The following BBX variants were observed in gnomAD, a reference collection of about 807,000 sequenced individuals.
The protein encoded by BBX is HMG box transcription factor BBX.
BBX carries 30 observed loss-of-function variants against 100.2 expected under a neutral mutation model. The ratio of observed to expected loss-of-function variants is 0.30; its 90% CI spans 0.22 to 0.41. The LOEUF is 0.41. Ranked by LOEUF, BBX falls within the 10% of genes least tolerant of loss-of-function variation. BBX has a pLI of 1.00. For missense variants in BBX, 1,023 were observed against 1,129.8 expected (o/e 0.91, Z 1.35); for synonymous variants, 376 against 388.1 (o/e 0.97, Z 0.37).
At chr3:107,584,971 C>G (rs1277603758) in intron 2 of BBX, among the ~76,000 whole-genome samples, 1 of 152,106 alleles carries the variant, frequency 6.6e-6, no homozygotes, top group Non-Finnish European at 1.5e-5. Context: ...GCCACCACCC[C>G]CGGCCTCAGT....
chr3:107,605,393 G>A (rs1231397794), intron 2 of BBX, among the ~76,000 whole-genome samples: 1 of 151,152 alleles, frequency 6.6e-6, no homozygotes. Context: ...TTTTGGGGGG[G>A]GGATTTAATA....
At chr3:107,561,181 A>G (rs957811212) in intron 2 of BBX, among the ~76,000 whole-genome samples, 3 of 152,244 alleles carry the variant, frequency 2.0e-5, no homozygotes, top group South Asian at 2.1e-4. Context: ...TGCATGGTCC[A>G]TATGTTAGGT....
intron 5 of BBX, 139 bp downstream of exon 5, chr3:107,716,988 C>T (rs1192996661): frequency 1.3e-5 from 14 of 1,116,354 alleles, no homozygotes; most frequent in East Asian, 2.4e-5. Flanking sequence ...AAAACATAAC[C>T]GCTTTCTTTG....
At chr3:107,691,138 C>T (rs968641053) in intron 3 of BBX, among the ~76,000 whole-genome samples, 1 of 151,934 alleles carries the variant, frequency 6.6e-6, no homozygotes, top group African/African-American at 2.4e-5. Flanking sequence ...AACCCCTAGG[C>T]TCAAACGATT....
Position 107,566,162 on chromosome 3 carries a change from C to T in BBX, c.-84+39764C>T, listed in dbSNP as rs865947838. On this transcript the variant is annotated intron_variant, in intron 2 of 17. Transcript: ENST00000325805. ...TGCACTCCAGTCTGGGCAACAAGAG[C>T]GAAACTCTGTCTCAAAAAAAAAAAA... Among the ~76,000 whole-genome samples the T allele has an allele frequency of 6.3e-5, 6 of 95,196 alleles. No individual in the cohort carries two copies. The South Asian group carries it at 9.7e-4, about 15-fold the overall frequency. 62.5% of individuals were successfully genotyped at this position (95,196 alleles called of 152,430 possible). A position where few individuals can be genotyped will look rare whatever the true frequency, so the allele number is the denominator to read the frequency against.
intron 2 of BBX, among the ~76,000 whole-genome samples, chr3:107,536,023 A>G (rs2048469580): frequency 1.3e-5 from 2 of 152,260 alleles, no homozygotes; most frequent in African/African-American, 4.8e-5. Flanking sequence ...GTTCCATATT[A>G]GTGGAAAAAT....
intron 2 of BBX, among the ~76,000 whole-genome samples, chr3:107,628,312 CTGATTATAAATGAAAAT>C (rs2056331150): frequency 6.6e-6 from 1 of 151,620 alleles, no homozygotes; most frequent in Admixed American, 6.6e-5. Flanking sequence ...TAAAAAGCAG[CTGATTATAAATGAAAAT>C]TGTGTGCATG....
At chr3:107,715,416 A>C (rs2062032570) in intron 4 of BBX, among the ~76,000 whole-genome samples, 1 of 152,224 alleles carries the variant, frequency 6.6e-6, no homozygotes, top group African/African-American at 2.4e-5. Context: ...TTACAAGTTG[A>C]GTATCCCTAA....
intron 2 of BBX, among the ~76,000 whole-genome samples, chr3:107,583,612 G>C (rs1172557915): frequency 2.0e-5 from 3 of 151,410 alleles, no homozygotes; most frequent in Non-Finnish European, 4.4e-5. Flanking sequence ...TAACCATTTT[G>C]AAGTATACAA....
In BBX at chr3:107,705,188, G is replaced by A. The variant is rs757944875; in HGVS notation, c.-9-5264G>A. ...CCGTAGACTCTGGAGAAGGCCGTGC[G>A]GTTTTGTAGTCTTAATTGGACCCAG... On this transcript the variant is annotated intron_variant, in intron 3 of 17. Transcript: ENST00000325805. Among the ~76,000 whole-genome samples the A allele has an allele frequency of 1.1e-3, 160 of 152,032 alleles. 2 individuals carry two copies. Among genetic ancestry groups the A allele is most frequent in the Non-Finnish European group, 4.3e-4 (29 of 67,994 alleles).
At chr3:107,767,476 C>T (rs936728316) in intron 10 of BBX, among the ~76,000 whole-genome samples, 4 of 151,960 alleles carry the variant, frequency 2.6e-5, no homozygotes, top group African/African-American at 9.7e-5. Flanking sequence ...TGTAGGATAC[C>T]ACAAGACCTT....
At chr3:107,603,847 T>C (rs773301379) in intron 2 of BBX, among the ~76,000 whole-genome samples, 3 of 152,164 alleles carry the variant, frequency 2.0e-5, no homozygotes, top group Non-Finnish European at 4.4e-5. Context: ...TAAAATTTAG[T>C]GTGTACTTTT....
chr3:107,654,885 T>A (rs1468998411), intron 3 of BBX, among the ~76,000 whole-genome samples: 1 of 152,202 alleles, frequency 6.6e-6, no homozygotes, highest in African/African-American at 2.4e-5. Context: ...CTAGAGGGTA[T>A]AATGTCAACC....
chr3:107,534,315 G>C (rs1246494875), intron 2 of BBX, among the ~76,000 whole-genome samples: 2 of 152,184 alleles, frequency 1.3e-5, no homozygotes, highest in African/African-American at 4.8e-5. Flanking sequence ...CCCAAGTGTA[G>C]AGTTCTCATG....
Position 107,584,672 on chromosome 3 carries a change from CTTTTTTTTTTTTTTTTTT to C in BBX, c.-84+58293_-84+58310del, listed in dbSNP as rs58393281. Among the ~76,000 whole-genome samples, 104 of 28,378 alleles carry C rather than the reference CTTTTTTTTTTTTTTTTTT, an allele frequency of 3.7e-3. No homozygotes were observed. In the Admixed American group the frequency reaches 0.044, roughly 12 times the overall value. The allele number at this position is 28,378 out of a possible 152,430, so 18.6% of individuals were successfully genotyped here. A position where few individuals can be genotyped will look rare whatever the true frequency, so the allele number is the denominator to read the frequency against. ...TAAAAAGTGATTTTTCCGTTGAAAT[CTTTTTTTTTTTTTTTTTT>C]TTTTTTTTTTTTTTTTTTGAGGTGG... On this transcript the variant is annotated intron_variant, in intron 2 of 17. Transcript: ENST00000325805.
At chr3:107,705,649 A>T (rs2061349517) in intron 3 of BBX, among the ~76,000 whole-genome samples, 2 of 152,236 alleles carry the variant, frequency 1.3e-5, no homozygotes, top group South Asian at 4.1e-4. Flanking sequence ...GATGAGTTTA[A>T]GTGAGCAGAT....
chr3:107,567,553 G>A (rs370899126), intron 2 of BBX, among the ~76,000 whole-genome samples: 3 of 151,996 alleles, frequency 2.0e-5, no homozygotes, highest in Non-Finnish European at 2.9e-5. Flanking sequence ...TTGTGATACT[G>A]CTATACCTAC....
At chr3:107,564,291 CTATA>C (rs1345547296) in intron 2 of BBX, among the ~76,000 whole-genome samples, 21 of 151,960 alleles carry the variant, frequency 1.4e-4, no homozygotes, top group Admixed American at 1.2e-3. Flanking sequence ...TATTATTTGA[CTATA>C]TGTATGTATG....
At chr3:107,762,838 C>T (rs1399623148) in intron 10 of BBX, among the ~76,000 whole-genome samples, 2 of 152,166 alleles carry the variant, frequency 1.3e-5, no homozygotes, top group Non-Finnish European at 2.9e-5. Flanking sequence ...ACAGGTTGAG[C>T]ATCTCTAATT....
Sources: gnomAD v4.1 joint callset for allele counts (sites outside exome capture counted in the v4.1 genomes callset) on GRCh38, gnomAD v4.1.1 for gene constraint, MANE v1.5 for transcripts, NCBI Gene and HGNC (gene_info 2026-07-23, HGNC 2026-07-21) for gene names.